The following CASZ1 variants were observed in gnomAD, a reference collection of about 807,000 sequenced individuals.
The protein encoded by CASZ1 is castor zinc finger 1, also known as zinc finger protein castor homolog 1.
CASZ1 carries 28 observed loss-of-function variants against 135.2 expected under a neutral mutation model. That is an observed-to-expected ratio of 0.21 (90% CI 0.15 to 0.28). The LOEUF (loss-of-function observed/expected upper bound fraction) is 0.28, where lower values mean the gene tolerates loss of function less well. Ranked by LOEUF, CASZ1 falls within the 10% of genes least tolerant of loss-of-function variation. CASZ1 has a pLI of 1.00. For synonymous variants in CASZ1, 1,068 were observed against 1,073.4 expected (o/e 0.99, Z 0.10); for missense variants, 2,161 against 2,453.3 (o/e 0.88, Z 2.52).
chr1:10,791,484 T>A (rs937051914), intron 1 of CASZ1, among the ~76,000 whole-genome samples: 5 of 152,068 alleles, frequency 3.3e-5, no homozygotes, highest in Admixed American at 3.3e-4. Context: ...AAAAGCAAAT[T>A]CCTCCAGGTT....
intron 4 of CASZ1, among the ~76,000 whole-genome samples, chr1:10,675,497 G>A (rs1557495963): frequency 6.6e-6 from 1 of 152,212 alleles, no homozygotes; most frequent in East Asian, 1.9e-4. Flanking sequence ...GAGGGGTGAG[G>A]CCAGTGCCCA....
intron 1 of CASZ1, among the ~76,000 whole-genome samples, chr1:10,773,676 A>G (rs1215303171): frequency 6.6e-6 from 1 of 152,036 alleles, no homozygotes; most frequent in Non-Finnish European, 1.5e-5. Flanking sequence ...CCCCAAACCA[A>G]GCAGGACAAG....
chr1:10,637,861 G>T lies in CASZ1; in HGVS notation c.*1081C>A, dbSNP rs541717997. On this transcript the variant is annotated 3_prime_UTR_variant, in exon 21 of 21. Coordinates refer to ENST00000377022, the MANE Select transcript of CASZ1 (RefSeq NM_001079843.3). ...CCTATAAAGCCACACGCATCACCAA[G>T]AGAGAACTCAAATGTTAAATTAACT... The T allele has an allele frequency of 1.5e-4, 23 of 150,068 alleles. No individual in the cohort carries two copies. Among genetic ancestry groups the T allele is most frequent in the East Asian group, 1.9e-4 (1 of 5,142 alleles). The allele number at this position is 150,068 out of a possible 1,614,324, so 9.3% of individuals were successfully genotyped here.
intron 12 of CASZ1, 34 bp from the exon 13 acceptor site, chr1:10,650,789 A>ACGGC (rs765464401): frequency 1.3e-6 from 2 of 1,595,224 alleles, no homozygotes; most frequent in Non-Finnish European, 1.7e-6. Flanking sequence ...TTGAGCTCAG[A>ACGGC]CGGCCGGGGC....
Position 10,756,863 on chromosome 1 carries a change from C to G in CASZ1, c.-77+3838G>C, listed in dbSNP as rs1181043687. ...CAACGACGCTCTATATGACCCGGCA[C>G]GTGGAAAAAGGTGTGCAGAAGCTCA... is the stretch of plus-strand genomic sequence containing the variant. On this transcript the variant is annotated intron_variant, in intron 2 of 20. Coordinates refer to ENST00000377022, the MANE Select transcript of CASZ1 (RefSeq NM_001079843.3). The surrounding 1 kb of genome is among the most constrained non-coding windows in gnomAD (Gnocchi z 5.9). Among the ~76,000 whole-genome samples, 1 of 152,158 alleles carries G rather than the reference C, an allele frequency of 6.6e-6. No homozygotes were observed.
At position 10,646,184 on chromosome 1, in the gene CASZ1, C is replaced by T. The variant is rs1446172238; in HGVS notation, c.3640G>A (p.Val1214Met). ...LDHINPNNNL[V>M]NVRDQFAYYS... Reference sequence around the variant, plus strand: ...TATGCAAACTGGTCTCGCACGTTCACCAGGTTGTTGTTGGGGTTGATGTGG... The same window carrying T: ...TATGCAAACTGGTCTCGCACGTTCATCAGGTTGTTGTTGGGGTTGATGTGG... The change falls in exon 17 of 21, where the codon GTG becomes ATG. Residue 1214 changes from valine to methionine, a missense_variant. By Grantham distance (21) the Val-to-Met change is conservative (BLOSUM62 1). Coordinates refer to ENST00000377022, the MANE Select transcript of CASZ1 (RefSeq NM_001079843.3). This position sits in a 1 kb window ranked among gnomAD's most constrained non-coding sequence, Gnocchi z 6.4. 13 of 1,614,080 alleles carry T rather than the reference C, an allele frequency of 8.1e-6. No individual in the cohort carries two copies. Among genetic ancestry groups the T allele is most frequent in the African/African-American group, 1.3e-5 (1 of 74,930 alleles).
intron 1 of CASZ1, among the ~76,000 whole-genome samples, chr1:10,795,678 T>C (rs1430978471): frequency 6.6e-6 from 1 of 152,150 alleles, no homozygotes; most frequent in East Asian, 1.9e-4. Context: ...CCCCGTGCCC[T>C]GTGTTGCCAG....
At chr1:10,670,795 C>T (rs1328504291) in intron 4 of CASZ1, among the ~76,000 whole-genome samples, 1 of 152,220 alleles carries the variant, frequency 6.6e-6, no homozygotes, top group Non-Finnish European at 1.5e-5. Flanking sequence ...AGCCCATTTC[C>T]GCCTGAACGG....
In CASZ1 at chr1:10,648,050, G is replaced by C; in HGVS notation, c.3248C>G (p.Ala1083Gly). ...ASAAETKPPMAPSSPPVPPVT... is the reference protein window; with the variant it reads ...ASAAETKPPMGPSSPPVPPVT... Reference sequence around the variant, plus strand: ...AGGAGGGACCGGAGGGGACGAGGGGGCCATGGGAGGTTTGGTCTCGGCGGC... The same window carrying C: ...AGGAGGGACCGGAGGGGACGAGGGGCCCATGGGAGGTTTGGTCTCGGCGGC... The change falls in exon 16 of 21, where the codon GCC becomes GGC. Residue 1083 changes from alanine to glycine, a missense_variant. Ala to Gly is a moderately conservative substitution (Grantham distance 60, BLOSUM62 0). Around this residue, in one of 7 missense-constraint regions of CASZ1, gnomAD observed 349 missense variants for 460.8 expected, o/e 0.76. Coordinates refer to ENST00000377022, the MANE Select transcript of CASZ1 (RefSeq NM_001079843.3). 6.2e-7 allele frequency: 1 copy of C among 1,600,420 alleles called. No homozygotes were observed. Among genetic ancestry groups the C allele is most frequent in the South Asian group, 1.1e-5 (1 of 89,312 alleles).
chr1:10,724,842 C>A lies in CASZ1; in HGVS notation c.-76-19298G>T, dbSNP rs116461502. Among the ~76,000 whole-genome samples, 2,436 of 152,318 alleles carry A rather than the reference C, an allele frequency of 0.016. 34 individuals are homozygous for A. The highest frequency in any genetic ancestry group is 0.025 in the Non-Finnish European group (1,695 of 68,028). ...GGAGGATGACATAAGGGGGACACAG[C>A]CAACCTGGGGAAGAGAAGGTGCTCA... On this transcript the variant is annotated intron_variant, in intron 2 of 20. Transcript: ENST00000377022. This position sits in a 1 kb window ranked among gnomAD's most constrained non-coding sequence, Gnocchi z 4.1.
intron 1 of CASZ1, among the ~76,000 whole-genome samples, chr1:10,772,638 G>A (rs532744827): frequency 6.6e-6 from 1 of 152,304 alleles, no homozygotes; most frequent in South Asian, 2.1e-4. Flanking sequence ...GACCCCAGAA[G>A]CTCGGCCAGT....
rs960161828 is a variant in CASZ1 at position 10,794,776 on chromosome 1, T to G, written c.-234+1788A>C. On this transcript the variant is annotated intron_variant, in intron 1 of 20. Coordinates refer to ENST00000377022, the MANE Select transcript of CASZ1 (RefSeq NM_001079843.3). The surrounding 1 kb of genome is among the most constrained non-coding windows in gnomAD (Gnocchi z 5.6). Reference sequence around the variant, plus strand: ...ATTATCTTAATCTACGCCCCCAAAGTGTCCCTCCAGCCGTGATTGACGGCG... The same window carrying G: ...ATTATCTTAATCTACGCCCCCAAAGGGTCCCTCCAGCCGTGATTGACGGCG... Among the ~76,000 whole-genome samples, 2 of 152,144 alleles carry G rather than the reference T, an allele frequency of 1.3e-5. No individual in the cohort carries two copies. The highest frequency in any genetic ancestry group is 4.8e-5 in the African/African-American group (2 of 41,454).
In CASZ1 at chr1:10,735,324, G is replaced by T. The variant is rs983959299; in HGVS notation, c.-77+25377C>A. Among the ~76,000 whole-genome samples the T allele has an allele frequency of 6.6e-6, 1 of 152,210 alleles. No homozygotes were observed. On this transcript the variant is annotated intron_variant, in intron 2 of 20. Transcript: ENST00000377022. The surrounding 1 kb of genome is among the most constrained non-coding windows in gnomAD (Gnocchi z 5.1). ...AGACCGGGGCTCTGGGAGAGGGAAA[G>T]GTTGAGCCGCCACGGGCCCCAAGCT...
chr1:10,706,512 G>C lies in CASZ1; in HGVS notation c.-76-968C>G, dbSNP rs1639176159. Among the ~76,000 whole-genome samples, 1 of 152,224 alleles carries C rather than the reference G, an allele frequency of 6.6e-6. No individual in the cohort carries two copies. The highest frequency in any genetic ancestry group is 1.5e-5 in the Non-Finnish European group (1 of 68,044). ...AATAACACCAATTTCCTTAGGCTAT[G>C]TAATCCCCAAATCAGATTGGGGGGA... is the stretch of plus-strand genomic sequence containing the variant. On this transcript the variant is annotated intron_variant, in intron 2 of 20. Coordinates refer to ENST00000377022, the MANE Select transcript of CASZ1 (RefSeq NM_001079843.3). This position sits in a 1 kb window ranked among gnomAD's most constrained non-coding sequence, Gnocchi z 4.3.
rs1020803977 is a variant in CASZ1 at position 10,725,880 on chromosome 1, C to T, written c.-76-20336G>A. 4.6e-5 allele frequency among the ~76,000 whole-genome samples: 7 copies of T among 151,996 alleles called. No individual in the cohort carries two copies. Among genetic ancestry groups the T allele is most frequent in the African/African-American group, 1.2e-4 (5 of 41,354 alleles). ...TCATTGAGGGGGCCAGAGGGCCTGCCGAATGTTCTAGAAGGATGGGCCGGA... is the reference window on the plus strand; with the variant it reads ...TCATTGAGGGGGCCAGAGGGCCTGCTGAATGTTCTAGAAGGATGGGCCGGA... On this transcript the variant is annotated intron_variant, in intron 2 of 20. Transcript: ENST00000377022. This position sits in a 1 kb window ranked among gnomAD's most constrained non-coding sequence, Gnocchi z 4.4.
rs1187990205 is a variant in CASZ1 at position 10,694,239 on chromosome 1, C to T, written c.-23-327G>A. On this transcript the variant is annotated intron_variant, in intron 3 of 20. Transcript: ENST00000377022. This position sits in a 1 kb window ranked among gnomAD's most constrained non-coding sequence, Gnocchi z 6.6. The stretch of plus-strand genomic sequence containing the variant: ...CGTCCCGCCGACCGCGCCCCGCGCC[C>T]GGGTCGCCGCCCGAGACCGCGGCCC... 2 of 782,704 alleles carry T rather than the reference C, an allele frequency of 2.6e-6. No homozygotes were observed. The highest frequency in any genetic ancestry group is 3.1e-6 in the Non-Finnish European group (2 of 644,472). The allele number at this position is 782,704 out of a possible 1,614,324, so 48.5% of individuals were successfully genotyped here. A position where few individuals can be genotyped will look rare whatever the true frequency, so the allele number is the denominator to read the frequency against.
Position 10,694,425 on chromosome 1 carries a change from G to T in CASZ1, c.-23-513C>A. 1 of 526,918 alleles carries T rather than the reference G, an allele frequency of 1.9e-6. No individual in the cohort carries two copies. The highest frequency in any genetic ancestry group is 2.7e-6 in the Non-Finnish European group (1 of 376,878). The allele number at this position is 526,918 out of a possible 1,614,324, so 32.6% of individuals were successfully genotyped here. ...TTAAAGCCCTGATGTCATTGCTCCT[G>T]CCGGTAACACTCAGGGTAACAGTTT... is the stretch of plus-strand genomic sequence containing the variant. On this transcript the variant is annotated intron_variant, in intron 3 of 20. Transcript: ENST00000377022. This position sits in a 1 kb window ranked among gnomAD's most constrained non-coding sequence, Gnocchi z 6.6.
At chr1:10,740,398 T>C (rs1003203518) in intron 2 of CASZ1, among the ~76,000 whole-genome samples, 1 of 151,936 alleles carries the variant, frequency 6.6e-6, no homozygotes, top group African/African-American at 2.4e-5. Flanking sequence ...AATGGGAGAG[T>C]GAGGTCCTGG....
intron 2 of CASZ1, among the ~76,000 whole-genome samples, chr1:10,710,315 T>G (rs1039615740): frequency 1.3e-5 from 2 of 151,942 alleles, no homozygotes; most frequent in African/African-American, 4.8e-5. Flanking sequence ...ACTTCAATGG[T>G]GAATTCGAGG....
Sources: allele counts gnomAD v4.1 joint callset (sites outside exome capture counted in the v4.1 genomes callset), GRCh38; gene constraint gnomAD v4.1.1; regional missense constraint gnomAD v4.1.1; non-coding constraint Gnocchi (gnomAD v3.1); transcripts MANE v1.5; gene names NCBI Gene and HGNC (gene_info 2026-07-23, HGNC 2026-07-21).